FHIT: variants seen among roughly 807,000 people sequenced by gnomAD.
FHIT encodes bis(5'-adenosyl)-triphosphatase.
A neutral mutation model predicts 17.9 loss-of-function variants in FHIT; 19 were observed. That is an observed-to-expected ratio of 1.06 (90% CI 0.74 to 1.56). The LOEUF is 1.56. Among genes scored for constraint, FHIT ranks in the 40% most tolerant of loss-of-function variants. The probability of loss-of-function intolerance (pLI) is 0.00; values close to 1 mark genes in which losing one functional copy is unlikely to be tolerated. For synonymous variants in FHIT, 81 were observed against 69.7 expected (o/e 1.16, Z -0.81); for missense variants, 248 against 189.2 (o/e 1.31, Z -1.82).
At chr3:60,658,272 TC>T (rs781862253) in intron 4 of FHIT, among the ~76,000 whole-genome samples, 10 of 152,164 alleles carry the variant, frequency 6.6e-5, no homozygotes, top group Non-Finnish European at 1.5e-4. Flanking sequence ...AGAATTTACT[TC>T]CTTTTTAAGG....
At chr3:60,033,277 C>G (rs1451855475) in intron 5 of FHIT, among the ~76,000 whole-genome samples, 2 of 152,140 alleles carry the variant, frequency 1.3e-5, no homozygotes, top group African/African-American at 2.4e-5. Context: ...GGGGGGATCA[C>G]CTGAGGCCAG....
chr3:60,955,433 C>CATTTAT (rs780501736), intron 3 of FHIT, among the ~76,000 whole-genome samples: 1 of 151,814 alleles, frequency 6.6e-6, no homozygotes, highest in Non-Finnish European at 1.5e-5. Flanking sequence ...CAAGCCAGAG[C>CATTTAT]ATTTATATCA....
At chr3:60,234,097 G>A (rs1251647562) in intron 5 of FHIT, among the ~76,000 whole-genome samples, 2 of 152,130 alleles carry the variant, frequency 1.3e-5, no homozygotes, top group Non-Finnish European at 2.9e-5. Flanking sequence ...CAGTTCACTT[G>A]CATGCTTCCA....
At chr3:60,261,446 G>T (rs574305621) in intron 5 of FHIT, among the ~76,000 whole-genome samples, 1 of 152,138 alleles carries the variant, frequency 6.6e-6, no homozygotes, top group East Asian at 1.9e-4. Flanking sequence ...CATGAGTCCT[G>T]TTGATACATT....
intron 5 of FHIT, among the ~76,000 whole-genome samples, chr3:60,405,897 T>C (rs1032290939): frequency 6.6e-6 from 1 of 152,192 alleles, no homozygotes; most frequent in South Asian, 2.1e-4. Context: ...ACCAATCTCC[T>C]TTCTAAGCTC....
At chr3:60,988,089 T>A (rs1053618971) in intron 3 of FHIT, among the ~76,000 whole-genome samples, 1 of 152,212 alleles carries the variant, frequency 6.6e-6, no homozygotes, top group Non-Finnish European at 1.5e-5. Context: ...CAAACCAGTA[T>A]ATTAAACAGT....
chr3:60,416,830 T>A (rs1466671318), intron 5 of FHIT, among the ~76,000 whole-genome samples: 1 of 152,138 alleles, frequency 6.6e-6, no homozygotes, highest in Admixed American at 6.5e-5. Flanking sequence ...CTGATGCCTG[T>A]AATCCCAGCA....
At chr3:60,934,520 G>T (rs1708103623) in intron 3 of FHIT, among the ~76,000 whole-genome samples, 1 of 152,196 alleles carries the variant, frequency 6.6e-6, no homozygotes, top group Non-Finnish European at 1.5e-5. Context: ...TTTCTAGAGT[G>T]CAGGCAAGGA....
At chr3:60,150,010 T>A (rs1446150210) in intron 5 of FHIT, among the ~76,000 whole-genome samples, 2 of 37,724 alleles carry the variant, frequency 5.3e-5, no homozygotes, top group African/African-American at 2.2e-4. Flanking sequence ...TTTTTTTTTT[T>A]GGTGACCAAG....
chr3:60,178,946 C>A (rs545787701), intron 5 of FHIT, among the ~76,000 whole-genome samples: 2 of 152,008 alleles, frequency 1.3e-5, no homozygotes, highest in Admixed American at 6.6e-5. Flanking sequence ...ATATAAAATA[C>A]GTATTACCAT....
At chr3:60,871,699 T>C (rs1233264168) in intron 3 of FHIT, among the ~76,000 whole-genome samples, 3 of 152,130 alleles carry the variant, frequency 2.0e-5, no homozygotes, top group Non-Finnish European at 2.9e-5. Flanking sequence ...AATGGCACAA[T>C]CATGGCTCAA....
intron 5 of FHIT, among the ~76,000 whole-genome samples, chr3:60,278,952 A>G (rs1707299836): frequency 1.3e-5 from 2 of 152,160 alleles, no homozygotes; most frequent in South Asian, 4.1e-4. Flanking sequence ...TCTAAAATCA[A>G]TAATCTAAAC....
intron 8 of FHIT, among the ~76,000 whole-genome samples, chr3:59,861,951 A>G (rs893800694): frequency 6.6e-6 from 1 of 152,094 alleles, no homozygotes; most frequent in Non-Finnish European, 1.5e-5. Flanking sequence ...ATGTGATGTA[A>G]TTGGTACTAG....
chr3:60,456,306 C>A (rs981039077), intron 5 of FHIT, among the ~76,000 whole-genome samples: 8 of 152,228 alleles, frequency 5.3e-5, no homozygotes, highest in African/African-American at 1.9e-4. Flanking sequence ...CAAATCTTCA[C>A]TGATGCTAAA....
chr3:60,175,128 C>T (rs921303532), intron 5 of FHIT, among the ~76,000 whole-genome samples: 2 of 152,050 alleles, frequency 1.3e-5, no homozygotes, highest in African/African-American at 4.8e-5. Flanking sequence ...TCCACAGAGC[C>T]CAGCAGTGTT....
At chr3:61,208,868 G>C (rs1349049481) in intron 1 of FHIT, among the ~76,000 whole-genome samples, 2 of 151,966 alleles carry the variant, frequency 1.3e-5, no homozygotes, top group African/African-American at 2.4e-5. Context: ...TATGATGTTA[G>C]CTGGTTATTT....
chr3:60,924,918 G>T (rs1707499756), intron 3 of FHIT, among the ~76,000 whole-genome samples: 1 of 152,152 alleles, frequency 6.6e-6, no homozygotes, highest in Non-Finnish European at 1.5e-5. Context: ...GAATACACAA[G>T]TCTCAGTAGC....
intron 4 of FHIT, among the ~76,000 whole-genome samples, chr3:60,718,531 G>A (rs2041738357): frequency 6.6e-6 from 1 of 152,172 alleles, no homozygotes. Flanking sequence ...CTGGGCTTAA[G>A]GAAAGGCAAA....
chr3:59,927,938 T>A (rs958417654), intron 7 of FHIT, among the ~76,000 whole-genome samples: 1 of 152,254 alleles, frequency 6.6e-6, no homozygotes, highest in South Asian at 2.1e-4. Flanking sequence ...CTTCTGCCCA[T>A]ACTCACCTGA....
Sources: gnomAD v4.1 joint callset for allele counts (sites outside exome capture counted in the v4.1 genomes callset) on GRCh38, gnomAD v4.1.1 for gene constraint, MANE v1.5 for transcripts, NCBI Gene and HGNC (gene_info 2026-07-23, HGNC 2026-07-21) for gene names.